TBC1D5: variants seen among roughly 807,000 people sequenced by gnomAD.
TBC1D5 encodes the protein TBC1 domain family member 5.
TBC1D5 carries 75 observed loss-of-function variants against 100.3 expected under a neutral mutation model. The observed-to-expected ratio is 0.75, with a 90% CI of 0.62 to 0.91. The LOEUF (loss-of-function observed/expected upper bound fraction) is 0.91. Ranked by LOEUF, TBC1D5 falls within the 40% of genes least tolerant of loss-of-function variation. The pLI, the probability that TBC1D5 is intolerant of heterozygous loss-of-function variation, is 0.00. For missense variants in TBC1D5, 910 were observed against 942.4 expected, an observed-to-expected ratio of 0.97 and a Z score of 0.45; for synonymous variants, 323 against 325.6, an observed-to-expected ratio of 0.99 and a Z score of 0.09.
In TBC1D5 at chr3:17,578,343, A is replaced by G. The variant is rs183070202; in HGVS notation, c.-36+45506T>C. On this transcript the variant is annotated intron_variant, in intron 2 of 21. Transcript: ENST00000253692. ...ATCACTGTTTAACTATTCTCTTGGG[A>G]ATCTACAAGATTGCCAAAGCAGGAC... 2.4e-4 allele frequency among the ~76,000 whole-genome samples: 37 copies of G among 152,126 alleles called. No individual in the cohort carries two copies. The East Asian group carries it at 5.2e-3, about 21-fold the overall frequency.
At chr3:17,667,870 T>G (rs1430192305) in intron 1 of TBC1D5, among the ~76,000 whole-genome samples, 2 of 152,120 alleles carry the variant, frequency 1.3e-5, no homozygotes, top group Admixed American at 6.6e-5. Flanking sequence ...TAGTCTGATT[T>G]TTTTTTCAAA....
At chr3:17,729,761 A>T (rs1044408548) in intron 1 of TBC1D5, among the ~76,000 whole-genome samples, 1 of 152,144 alleles carries the variant, frequency 6.6e-6, no homozygotes. Flanking sequence ...GCAATAAAGA[A>T]CATTAAGTAA....
chr3:17,685,333 A>G (rs1399041511), intron 1 of TBC1D5, among the ~76,000 whole-genome samples: 1 of 152,062 alleles, frequency 6.6e-6, no homozygotes, highest in Admixed American at 6.6e-5. Flanking sequence ...AATAAACTCA[A>G]AATTAACTTA....
At chr3:17,377,807 T>C (rs1031329727) in intron 9 of TBC1D5, among the ~76,000 whole-genome samples, 6 of 151,996 alleles carry the variant, frequency 3.9e-5, no homozygotes, top group Non-Finnish European at 7.4e-5. Context: ...AAAGATTTAG[T>C]TATATTTTTA....
intron 21 of TBC1D5, 25 bp from the exon 23 acceptor site, chr3:17,161,281 G>C (rs1575663891): frequency 6.3e-7 from 1 of 1,579,612 alleles, no homozygotes; most frequent in Non-Finnish European, 8.6e-7. Context: ...CAGAAGTACA[G>C]GTGGATGAAA....
At chr3:17,645,517 C>T (rs1251911122) in intron 1 of TBC1D5, among the ~76,000 whole-genome samples, 1 of 152,126 alleles carries the variant, frequency 6.6e-6, no homozygotes, top group Admixed American at 6.6e-5. Flanking sequence ...CTAGAATTGA[C>T]ATTTAGAGTA....
chr3:17,300,730 G>C (rs1354557275), intron 14 of TBC1D5, among the ~76,000 whole-genome samples: 1 of 152,194 alleles, frequency 6.6e-6, no homozygotes, highest in Non-Finnish European at 1.5e-5. Flanking sequence ...TGTTCAAAGA[G>C]AAAGTACATT....
At chr3:17,491,789 G>A (rs1295367342) in intron 3 of TBC1D5, among the ~76,000 whole-genome samples, 8 of 151,882 alleles carry the variant, frequency 5.3e-5, no homozygotes, top group Non-Finnish European at 1.2e-4. Flanking sequence ...GCCAGGTTTC[G>A]GTATCAGGAT....
chr3:17,383,131 AT>A (rs1190322407), intron 9 of TBC1D5, among the ~76,000 whole-genome samples: 1 of 151,982 alleles, frequency 6.6e-6, no homozygotes, highest in Admixed American at 6.6e-5. Context: ...AATCTAGTTT[AT>A]TTCAAATTAA....
At chr3:17,583,278 C>T (rs1368163537) in intron 2 of TBC1D5, among the ~76,000 whole-genome samples, 1 of 150,938 alleles carries the variant, frequency 6.6e-6, no homozygotes, top group Non-Finnish European at 1.5e-5. Flanking sequence ...GAGTGACACC[C>T]AATCTCAAAA....
intron 15 of TBC1D5, among the ~76,000 whole-genome samples, chr3:17,280,012 T>C (rs1271299755): frequency 6.6e-6 from 1 of 152,164 alleles, no homozygotes; most frequent in Non-Finnish European, 1.5e-5. Context: ...AGGGCTTAGT[T>C]GGAGGTAATT....
intron 15 of TBC1D5, among the ~76,000 whole-genome samples, chr3:17,277,189 C>T (rs1261036662): frequency 6.6e-6 from 1 of 152,144 alleles, no homozygotes; most frequent in Non-Finnish European, 1.5e-5. Context: ...AAAAGTTGCT[C>T]AAGGTGAGAA....
At chr3:17,271,491 A>G (rs2079420538) in intron 15 of TBC1D5, among the ~76,000 whole-genome samples, 1 of 152,202 alleles carries the variant, frequency 6.6e-6, no homozygotes, top group African/African-American at 2.4e-5. Context: ...TATCAGGTCT[A>G]GGAGACTTTT....
intron 9 of TBC1D5, among the ~76,000 whole-genome samples, chr3:17,382,632 C>A (rs745902532): frequency 6.6e-6 from 1 of 151,216 alleles, no homozygotes; most frequent in Non-Finnish European, 1.5e-5. Context: ...TCAATCACAG[C>A]TCACTGCAGC....
At chr3:17,627,235 C>T (rs1164757349) in intron 1 of TBC1D5, among the ~76,000 whole-genome samples, 1 of 152,054 alleles carries the variant, frequency 6.6e-6, no homozygotes, top group Non-Finnish European at 1.5e-5. Flanking sequence ...CAGGAGGGAA[C>T]AAAGAATGGC....
At chr3:17,736,903 C>T (rs937844933) in intron 1 of TBC1D5, among the ~76,000 whole-genome samples, 1 of 152,084 alleles carries the variant, frequency 6.6e-6, no homozygotes, top group Non-Finnish European at 1.5e-5. Flanking sequence ...GTCCCAGCCA[C>T]TCAGGAGGCT....
chr3:17,270,026 G>C (rs571293570), intron 15 of TBC1D5, among the ~76,000 whole-genome samples: 44 of 152,122 alleles, frequency 2.9e-4, no homozygotes, highest in Admixed American at 5.9e-4. Context: ...TGCGATTGCT[G>C]GGTTGAATGG....
chr3:17,355,135 TA>T (rs1272568323), intron 13 of TBC1D5, among the ~76,000 whole-genome samples: 1 of 152,164 alleles, frequency 6.6e-6, no homozygotes, highest in Non-Finnish European at 1.5e-5. Flanking sequence ...CCAAGGTTTT[TA>T]TAGAACTCTA....
chr3:17,670,921 G>C (rs2067864648), intron 1 of TBC1D5, among the ~76,000 whole-genome samples: 1 of 152,162 alleles, frequency 6.6e-6, no homozygotes, highest in Admixed American at 6.5e-5. Context: ...AGCATCAAGG[G>C]AGGGTGTGCA....
Sources: allele counts gnomAD v4.1 joint callset (sites outside exome capture counted in the v4.1 genomes callset), GRCh38; gene constraint gnomAD v4.1.1; transcripts MANE v1.5; gene names NCBI Gene and HGNC (gene_info 2026-07-23, HGNC 2026-07-21).